Variants in EFCAB8 observed in about 807,000 individuals in gnomAD.
The protein encoded by EFCAB8 is EF-hand calcium-binding domain-containing protein 8.
Under a neutral mutation model 116.3 loss-of-function variants are expected in EFCAB8, and 100 were observed. The observed-to-expected ratio is 0.86, with a 90% CI of 0.73 to 1.02. The LOEUF (loss-of-function observed/expected upper bound fraction) is 1.02, where lower values mean the gene tolerates loss of function less well. Ranked by LOEUF, EFCAB8 falls within the 50% of genes least tolerant of loss-of-function variation. The pLI, the probability that EFCAB8 is intolerant of heterozygous loss-of-function variation, is 0.00. For synonymous variants in EFCAB8, 558 were observed against 567.9 expected, an observed-to-expected ratio of 0.98 and a Z score of 0.25; for missense variants, 1,320 against 1,416.9, an observed-to-expected ratio of 0.93 and a Z score of 1.10.
In EFCAB8 at chr20:32,858,972, A is replaced by G. The variant is rs1447485983; in HGVS notation, c.-45A>G. 2.1e-6 allele frequency: 1 copy of G among 471,148 alleles called. No individual in the cohort carries two copies. The highest frequency in any genetic ancestry group is 1.5e-5 in the South Asian group (1 of 64,560). The allele number at this position is 471,148 out of a possible 1,614,324, so 29.2% of individuals were successfully genotyped here. ...TGTTAGCACTTTGCCAGACTTTGCCAGCAAGATTAACTGAGGAGATCAAAT... is the reference window on the plus strand; with the variant it reads ...TGTTAGCACTTTGCCAGACTTTGCCGGCAAGATTAACTGAGGAGATCAAAT... On this transcript the variant is annotated 5_prime_UTR_variant, in exon 1 of 27. Coordinates refer to ENST00000400522, the MANE Select transcript of EFCAB8 (RefSeq NM_001143967.2).
chr20:32,944,956 A>G (rs1005802492), intron 23 of EFCAB8, among the ~76,000 whole-genome samples: 4 of 151,564 alleles, frequency 2.6e-5, no homozygotes, highest in Non-Finnish European at 5.9e-5. Flanking sequence ...CATAATGCAT[A>G]TATTGTCCAT....
At position 32,918,498 on chromosome 20, in the gene EFCAB8, G is replaced by A. The variant is rs767435429; in HGVS notation, c.2198G>A (p.Arg733Lys). The A allele has an allele frequency of 1.3e-6, 2 of 1,551,748 alleles. No individual in the cohort carries two copies. The highest frequency in any genetic ancestry group is 2.4e-5 in the South Asian group (2 of 84,048). Residue 733 changes from arginine to lysine, a missense_variant, in exon 19 of 27, where the codon AGG (arginine) becomes AAG (lysine). Transcript: ENST00000400522. The stretch of plus-strand genomic sequence containing the variant: ...GAGTCTGTGGCCAATACCAACCTGA[G>A]GCGGAGCCTGGTGTCGGCTCCCCCA... ...SPESVANTNL[R>K]RSLVSAPPVM...
At chr20:32,918,703 T>C in intron 19 of EFCAB8, 129 bp downstream of exon 19, 4 of 896,932 alleles carry the variant, frequency 4.5e-6, no homozygotes, top group Non-Finnish European at 5.1e-6. Context: ...CTCAACTCAC[T>C]TGTTTTGAGC....
At chr20:32,939,063 TTC>T (rs1195292489) in intron 22 of EFCAB8, among the ~76,000 whole-genome samples, 1 of 132,536 alleles carries the variant, frequency 7.5e-6, no homozygotes, top group South Asian at 2.6e-4. Flanking sequence ...CTTTCTTTCT[TTC>T]TCTCTCCCCA....
chr20:32,867,614 G>A lies in EFCAB8; in HGVS notation c.75G>A (p.Glu25=), dbSNP rs1167521063. 6.4e-6 allele frequency: 10 copies of A among 1,551,534 alleles called. No individual in the cohort carries two copies. The highest frequency in any genetic ancestry group is 8.7e-6 in the Non-Finnish European group (10 of 1,147,002). The part of the protein sequence containing the change: ...LSIPHGFQNK[E]AASSPTPSIT... ...TCCCACATGGCTTCCAGAACAAGGA[G>A]GCTGCTAGCTCCCCAACACCATCCA... The change falls in exon 3 of 27, where the codon GAG becomes GAA. Residue 25 remains glutamate (E), a synonymous_variant. Transcript: ENST00000400522.
chr20:32,869,280 C>T (rs561770832), intron 3 of EFCAB8, among the ~76,000 whole-genome samples: 10 of 151,912 alleles, frequency 6.6e-5, no homozygotes, highest in Non-Finnish European at 1.5e-4. Flanking sequence ...TCTTGTTGCC[C>T]AGGCTGGAGT....
chr20:32,889,183 A>G, intron 6 of EFCAB8, 118 bp from the exon 7 acceptor site: 1 of 795,282 alleles, frequency 1.3e-6, no homozygotes, highest in Non-Finnish European at 2.0e-6. Context: ...TGGTAGTGCT[A>G]GGCTCCATGC....
chr20:32,887,205 C>T (rs1309330162), intron 6 of EFCAB8, among the ~76,000 whole-genome samples: 1 of 152,216 alleles, frequency 6.6e-6, no homozygotes, highest in African/African-American at 2.4e-5. Context: ...ACGCTCCTCC[C>T]TGCTCCTTCC....
At chr20:32,868,578 A>G (rs540778203) in intron 3 of EFCAB8, among the ~76,000 whole-genome samples, 1 of 152,338 alleles carries the variant, frequency 6.6e-6, no homozygotes, top group South Asian at 2.1e-4. Flanking sequence ...ATAATACCAC[A>G]GTCTTAGTGG....
At chr20:32,874,931 T>C (rs982879730) in intron 3 of EFCAB8, among the ~76,000 whole-genome samples, 2 of 152,112 alleles carry the variant, frequency 1.3e-5, no homozygotes, top group African/African-American at 4.8e-5. Context: ...TATTTTTTAG[T>C]AGAGGCAGGG....
In EFCAB8 at chr20:32,911,600, G is replaced by A; in HGVS notation, c.1678G>A (p.Glu560Lys). Residue 560 changes from glutamate (E) to lysine (K), a missense_variant, in exon 16 of 27, where the codon GAG becomes AAG. Glu to Lys is a moderately conservative substitution (Grantham distance 56). Transcript: ENST00000400522. ...GGAGATGACCGCCATGGCCCTGGAT[G>A]AGTCAGAGCGGTGCCTGCTCACAGG... is the stretch of plus-strand genomic sequence containing the variant. Reference protein sequence around the residue: ...HVEMTAMALDESERCLLTGLR... With the variant: ...HVEMTAMALDKSERCLLTGLR... 1 of 1,551,498 alleles carries A rather than the reference G, an allele frequency of 6.4e-7. No homozygotes were observed. Among genetic ancestry groups the A allele is most frequent in the Non-Finnish European group, 8.7e-7 (1 of 1,146,816 alleles).
intron 2 of EFCAB8, among the ~76,000 whole-genome samples, chr20:32,867,120 A>T (rs1984462642): frequency 1.3e-5 from 2 of 152,108 alleles, no homozygotes; most frequent in South Asian, 4.1e-4. Context: ...GGTTTCTACC[A>T]TGTTGGTCAG....
At chr20:32,911,168 G>C (rs942143080) in intron 15 of EFCAB8, among the ~76,000 whole-genome samples, 2 of 152,072 alleles carry the variant, frequency 1.3e-5, no homozygotes, top group Non-Finnish European at 2.9e-5. Context: ...TTTTGACGGG[G>C]TGGTCATGAT....
intron 4 of EFCAB8, among the ~76,000 whole-genome samples, chr20:32,878,085 G>T (rs1985081018): frequency 1.3e-5 from 2 of 152,086 alleles, no homozygotes; most frequent in South Asian, 4.1e-4. Flanking sequence ...GGGCAACATG[G>T]CGAAACCCCA....
rs1464380710 is a variant in EFCAB8, at chr20:32,917,489, C to T, written c.2045C>T (p.Pro682Leu). The part of the protein sequence containing the change: ...FNFNASRSPS[P>L]LQPKRVQDVN... ...TTCAATGCCTCTAGGAGCCCCTCGC[C>T]CTTGCAGCCCAAGAGGGTATGTTAA... The change falls in exon 18 of 27, where the codon CCC becomes CTC. Residue 682 changes from proline (P) to leucine (L), a missense_variant. Coordinates refer to ENST00000400522, the MANE Select transcript of EFCAB8 (RefSeq NM_001143967.2). 9 of 1,551,848 alleles carry T rather than the reference C, an allele frequency of 5.8e-6. No homozygotes were observed. The highest frequency in any genetic ancestry group is 7.8e-6 in the Non-Finnish European group (9 of 1,146,974).
At chr20:32,866,844 CCTTT>C (rs1424286695) in intron 2 of EFCAB8, among the ~76,000 whole-genome samples, 6 of 139,988 alleles carry the variant, frequency 4.3e-5, no homozygotes, top group East Asian at 4.7e-4. Flanking sequence ...TTCCTTCCTT[CCTTT>C]CTTTCTCTCT....
intron 7 of EFCAB8, among the ~76,000 whole-genome samples, chr20:32,891,031 T>C (rs1367102846): frequency 6.6e-6 from 1 of 152,250 alleles, no homozygotes; most frequent in Non-Finnish European, 1.5e-5. Flanking sequence ...GCAACATCTG[T>C]TTCCTGGGGA....
chr20:32,938,895 T>TAG (rs1988225445), intron 22 of EFCAB8, among the ~76,000 whole-genome samples: 1 of 149,370 alleles, frequency 6.7e-6, no homozygotes, highest in Admixed American at 6.6e-5. Flanking sequence ...TGCTTTCTCT[T>TAG]CTCTTTTCTC....
Position 32,961,656 on chromosome 20 carries a change from A to G in EFCAB8, c.*47A>G. ...GTCCTCCAGCAGGGCAACCAGGCCC[A>G]TGGCGGTCCTGCATGTTCTCGGCTT... On this transcript the variant is annotated 3_prime_UTR_variant, in exon 27 of 27. Transcript: ENST00000400522. The G allele has an allele frequency of 8.8e-7, 1 of 1,139,668 alleles. No individual in the cohort carries two copies. 70.6% of individuals were successfully genotyped at this position (1,139,668 alleles called of 1,614,324 possible).
Sources: gnomAD v4.1 joint callset for allele counts (sites outside exome capture counted in the v4.1 genomes callset) on GRCh38, gnomAD v4.1.1 for gene constraint, MANE v1.5 for transcripts, NCBI Gene and HGNC (gene_info 2026-07-23, HGNC 2026-07-21) for gene names.